The following ST8SIA2 variants were observed in gnomAD, a reference collection of about 807,000 sequenced individuals.
ST8SIA2 encodes the protein alpha-2,8-sialyltransferase 8B.
Under a neutral mutation model 37.6 loss-of-function variants are expected in ST8SIA2, and 22 were observed. The ratio of observed to expected loss-of-function variants is 0.58; its 90% CI spans 0.42 to 0.83. The LOEUF is 0.83. Ranked by LOEUF, ST8SIA2 falls within the 40% of genes least tolerant of loss-of-function variation. ST8SIA2 has a pLI of 0.00. For synonymous variants in ST8SIA2, 205 were observed against 201.2 expected (o/e 1.02, Z -0.16); for missense variants, 382 against 484.7 (o/e 0.79, Z 1.99).
intron 5 of ST8SIA2, among the ~76,000 whole-genome samples, chr15:92,446,826 G>A (rs2049846108): frequency 1.3e-5 from 2 of 152,162 alleles, no homozygotes; most frequent in African/African-American, 2.4e-5. Flanking sequence ...TGAGGTAGGA[G>A]GGTGTGTTCA....
At chr15:92,414,270 C>T (rs2049570936) in intron 1 of ST8SIA2, among the ~76,000 whole-genome samples, 1 of 152,220 alleles carries the variant, frequency 6.6e-6, no homozygotes, top group South Asian at 2.1e-4. Flanking sequence ...CGTACCTCTG[C>T]CTCTCGGATC....
intron 1 of ST8SIA2, chr15:92,421,362 T>C (rs1286800092): frequency 1.3e-5 from 2 of 152,202 alleles, no homozygotes; most frequent in Admixed American, 1.3e-4. Flanking sequence ...AGAGCAGGAA[T>C]TAGCAAATAT....
chr15:92,440,406 G>A (rs541146650), intron 4 of ST8SIA2, among the ~76,000 whole-genome samples: 7 of 152,288 alleles, frequency 4.6e-5, no homozygotes, highest in African/African-American at 7.2e-5. Flanking sequence ...CCCAGGGGAC[G>A]CCACTGCTGG....
Position 92,438,391 on chromosome 15 carries a change from T to C in ST8SIA2, c.329T>C (p.Ile110Thr). 1 of 1,614,204 alleles carries C rather than the reference T, an allele frequency of 6.2e-7. No homozygotes were observed. Among genetic ancestry groups the C allele is most frequent in the Non-Finnish European group, 8.5e-7 (1 of 1,180,040 alleles). Residue 110 changes from isoleucine (I) to threonine (T), a missense_variant, in exon 4 of 6, where the codon ATT becomes ACT. Transcript: ENST00000268164. ...AAGTTCTTGGATGCTGAAAAGGACA[T>C]TTCTGTCCTAAAGGGAACCCTGAAG... ...ILKFLDAEKD[I>T]SVLKGTLKPG... is the part of the protein sequence containing the mutation.
intron 1 of ST8SIA2, among the ~76,000 whole-genome samples, chr15:92,408,984 A>C (rs919174660): frequency 6.6e-6 from 1 of 152,172 alleles, no homozygotes; most frequent in Non-Finnish European, 1.5e-5. Flanking sequence ...GATTACAGGC[A>C]TGAGCTACCA....
At chr15:92,453,859 G>T (rs1435990191) in intron 5 of ST8SIA2, among the ~76,000 whole-genome samples, 1 of 152,212 alleles carries the variant, frequency 6.6e-6, no homozygotes, top group African/African-American at 2.4e-5. Context: ...TTGGCTCATA[G>T]ATTTGCTCTG....
rs145868922 is a variant in ST8SIA2, at chr15:92,430,189, G to T, written c.161+78G>T. ...ATCTGCTTCTCTTCTTTGCTGGATGGTGCCCTTCTTACTTAGCAAATAGAT... is the reference window on the plus strand; with the variant it reads ...ATCTGCTTCTCTTCTTTGCTGGATGTTGCCCTTCTTACTTAGCAAATAGAT... On this transcript the variant is annotated intron_variant, in intron 2 of 5. Coordinates refer to ENST00000268164, the MANE Select transcript of ST8SIA2 (RefSeq NM_006011.4). The T allele has an allele frequency of 9.3e-5, 131 of 1,404,276 alleles. No individual in the cohort carries two copies. The East Asian group carries it at 2.7e-3, about 29-fold the overall frequency. 87.0% of individuals were successfully genotyped at this position (1,404,276 alleles called of 1,614,324 possible). A position where few individuals can be genotyped will look rare whatever the true frequency, so the allele number is the denominator to read the frequency against.
chr15:92,419,033 C>A (rs1029038003), intron 1 of ST8SIA2, among the ~76,000 whole-genome samples: 1 of 152,070 alleles, frequency 6.6e-6, no homozygotes, highest in Non-Finnish European at 1.5e-5. Context: ...ATTTGCCTCC[C>A]CACTCCCAGA....
chr15:92,405,545 G>A (rs1001142500), intron 1 of ST8SIA2, among the ~76,000 whole-genome samples: 1 of 147,020 alleles, frequency 6.8e-6, no homozygotes, highest in Non-Finnish European at 1.5e-5. Flanking sequence ...GTGCCTGGCA[G>A]GTGCTCGGGA....
intron 5 of ST8SIA2, among the ~76,000 whole-genome samples, chr15:92,455,809 G>T (rs1362026925): frequency 1.3e-5 from 2 of 152,190 alleles, no homozygotes; most frequent in Non-Finnish European, 2.9e-5. Context: ...AATTTGCATT[G>T]TTAATTTTTA....
intron 1 of ST8SIA2, among the ~76,000 whole-genome samples, chr15:92,395,019 C>CTT (rs758495147): frequency 3.9e-5 from 6 of 152,166 alleles, no homozygotes; most frequent in African/African-American, 1.4e-4. Flanking sequence ...GGAGTGCGCA[C>CTT]TTGAGGCGCG....
chr15:92,407,425 G>A (rs780928035), intron 1 of ST8SIA2, among the ~76,000 whole-genome samples: 8 of 152,236 alleles, frequency 5.3e-5, no homozygotes, highest in Non-Finnish European at 7.3e-5. Flanking sequence ...TGGAGCACTT[G>A]AAGGAAATTT....
chr15:92,406,707 G>C (rs1267404038), intron 1 of ST8SIA2, among the ~76,000 whole-genome samples: 2 of 152,142 alleles, frequency 1.3e-5, no homozygotes, highest in African/African-American at 4.8e-5. Context: ...AATGAATAAT[G>C]ATTCTTGGCC....
chr15:92,405,042 C>T (rs2049497872), intron 1 of ST8SIA2, among the ~76,000 whole-genome samples: 1 of 152,298 alleles, frequency 6.6e-6, no homozygotes, highest in African/African-American at 2.4e-5. Context: ...AGGAGGATAG[C>T]TTGAGCCCAG....
intron 1 of ST8SIA2, among the ~76,000 whole-genome samples, chr15:92,398,169 A>G (rs1343601293): frequency 6.6e-6 from 1 of 152,164 alleles, no homozygotes; most frequent in Non-Finnish European, 1.5e-5. Context: ...GAAAGAAAGA[A>G]ACTCACTGAG....
chr15:92,434,202 G>A, intron 2 of ST8SIA2, 45 bp from the exon 3 acceptor site: 1 of 1,612,034 alleles, frequency 6.2e-7, no homozygotes, highest in South Asian at 1.1e-5. Flanking sequence ...TCGTCGGCTT[G>A]CTAACACATC....
chr15:92,418,911 G>A (rs1217233195), intron 1 of ST8SIA2, among the ~76,000 whole-genome samples: 1 of 152,128 alleles, frequency 6.6e-6, no homozygotes, highest in Non-Finnish European at 1.5e-5. Context: ...GATTTTCTGG[G>A]CCAGAAGGCT....
intron 1 of ST8SIA2, 141 bp downstream of exon 1, chr15:92,394,303 G>C (rs2049413216): frequency 3.6e-6 from 3 of 825,562 alleles, no homozygotes. Context: ...TTTGGCAGAA[G>C]GTGGCGGCGA....
At chr15:92,463,140 C>T (rs1054640258) in intron 5 of ST8SIA2, among the ~76,000 whole-genome samples, 2 of 152,248 alleles carry the variant, frequency 1.3e-5, no homozygotes, top group Admixed American at 6.5e-5. Flanking sequence ...GTTACTTCCC[C>T]CCTCTGAGCA....
Sources: allele counts gnomAD v4.1 joint callset (sites outside exome capture counted in the v4.1 genomes callset), GRCh38; gene constraint gnomAD v4.1.1; transcripts MANE v1.5; gene names NCBI Gene and HGNC (gene_info 2026-07-23, HGNC 2026-07-21).